ZFYVE16: variants seen among roughly 807,000 people sequenced by gnomAD.
ZFYVE16 encodes zinc finger FYVE-type containing 16, also known as zinc finger FYVE domain-containing protein 16.
In ZFYVE16, 89 loss-of-function variants were observed where a neutral mutation model predicts 138.1. That is an observed-to-expected ratio of 0.64 (90% CI 0.54 to 0.77). ZFYVE16 has a LOEUF of 0.77. Ranked by LOEUF, ZFYVE16 falls within the 30% of genes least tolerant of loss-of-function variation. ZFYVE16 has a pLI of 0.00. For missense variants in ZFYVE16, 1,793 were observed against 1,786.7 expected (o/e 1.00, Z -0.06); for synonymous variants, 596 against 618.3 (o/e 0.96, Z 0.53).
At chr5:80,470,542 C>T (rs1201091817) in intron 15 of ZFYVE16, among the ~76,000 whole-genome samples, 2 of 152,000 alleles carry the variant, frequency 1.3e-5, no homozygotes, top group African/African-American at 2.4e-5. Context: ...GACAGGATCT[C>T]GCTCTGTTGC....
chr5:80,476,309 TACC>T (rs143875109), intron 18 of ZFYVE16, among the ~76,000 whole-genome samples: 7 of 152,248 alleles, frequency 4.6e-5, no homozygotes, highest in South Asian at 2.1e-4. Context: ...TGAAAAATAA[TACC>T]ACATTATTAT....
In ZFYVE16 at chr5:80,445,359, A is replaced by G. The variant is rs750838525; in HGVS notation, c.2678A>G (p.Lys893Arg). ...ACAACAAAATTATCATCTGGAAGTA[A>G]AAGATGTTCTGAAGACTTTAGTCCT... ...ADTTKLSSGS[K>R]RCSEDFSPLS... The change falls in exon 7 of 19, where the codon AAA becomes AGA. Residue 893 changes from lysine to arginine, a missense_variant. Physicochemically the swap from Lys to Arg is conservative, Grantham distance 26 (BLOSUM62 2). This residue lies in a region of ZFYVE16 where 1,295 missense variants were observed against 1,204.3 expected (regional missense o/e 1.08). Transcript: ENST00000505560. The G allele has an allele frequency of 6.2e-6, 10 of 1,614,002 alleles. No homozygotes were observed. The highest frequency in any genetic ancestry group is 8.5e-6 in the Non-Finnish European group (10 of 1,179,950).
Position 80,480,215 on chromosome 5 carries a change from T to A in ZFYVE16, c.*2838T>A, listed in dbSNP as rs1243869704. On this transcript the variant is annotated 3_prime_UTR_variant, in exon 19 of 19. Coordinates refer to ENST00000505560, the MANE Select transcript of ZFYVE16 (RefSeq NM_001284236.3). ...TTTCTTTGTTTAAGGAAATAAGGTG[T>A]GTGAATGTACTTGCAGGAAATGGGA... Among the ~76,000 whole-genome samples, 1 of 152,094 alleles carries A rather than the reference T, an allele frequency of 6.6e-6. No homozygotes were observed. The highest frequency in any genetic ancestry group is 1.5e-5 in the Non-Finnish European group (1 of 68,000).
intron 12 of ZFYVE16, 67 bp from the exon 13 acceptor site, chr5:80,456,391 AAAG>A (rs148404774): frequency 1.1e-5 from 13 of 1,207,856 alleles, no homozygotes; most frequent in Admixed American, 6.7e-5. Context: ...AGGATTTCTT[AAAG>A]AAGGATTTAA....
rs1404585546 is a variant in ZFYVE16 at position 80,482,606 on chromosome 5, A to G, written c.*5229A>G. Reference sequence around the variant, plus strand: ...TGGCACAGCAAATCCCAAAAAGGAAAACCACACCCAGGCACGTCATAATCA... The same window carrying G: ...TGGCACAGCAAATCCCAAAAAGGAAGACCACACCCAGGCACGTCATAATCA... On this transcript the variant is annotated 3_prime_UTR_variant, in exon 19 of 19. Coordinates refer to ENST00000505560, the MANE Select transcript of ZFYVE16 (RefSeq NM_001284236.3). The G allele has an allele frequency of 6.6e-6, 1 of 152,222 alleles. No individual in the cohort carries two copies. Among genetic ancestry groups the G allele is most frequent in the Non-Finnish European group, 1.5e-5 (1 of 68,034 alleles). The allele number at this position is 152,222 out of a possible 1,614,324, so 9.4% of individuals were successfully genotyped here.
chr5:80,409,461 A>G (rs1038708020), intron 1 of ZFYVE16, among the ~76,000 whole-genome samples: 10 of 152,218 alleles, frequency 6.6e-5, no homozygotes, highest in African/African-American at 2.4e-4. Context: ...TATATTTACC[A>G]TTTTGGAAAT....
At chr5:80,444,223 C>T (rs1039144048) in intron 6 of ZFYVE16, among the ~76,000 whole-genome samples, 1 of 152,050 alleles carries the variant, frequency 6.6e-6, no homozygotes, top group Non-Finnish European at 1.5e-5. Flanking sequence ...TAAGGAGACT[C>T]AGCATTATAT....
intron 11 of ZFYVE16, 150 bp from the exon 12 acceptor site, chr5:80,455,542 A>C (rs1395784232): frequency 2.8e-5 from 19 of 687,982 alleles, no homozygotes; most frequent in Non-Finnish European, 3.8e-5. Context: ...TCAAAAACAA[A>C]AAAAAAATTA....
rs1755157055 is a variant in ZFYVE16, at chr5:80,479,120, T to C, written c.*1743T>C. The C allele has an allele frequency of 6.6e-6, 1 of 152,086 alleles. No homozygotes were observed. Among genetic ancestry groups the C allele is most frequent in the African/African-American group, 2.4e-5 (1 of 41,416 alleles). The allele number at this position is 152,086 out of a possible 1,614,324, so 9.4% of individuals were successfully genotyped here. A position where few individuals can be genotyped will look rare whatever the true frequency, so the allele number is the denominator to read the frequency against. On this transcript the variant is annotated 3_prime_UTR_variant, in exon 19 of 19. Transcript: ENST00000505560. Reference sequence around the variant, plus strand: ...AAAAATTGGAATTATGTGCCTGAAGTTTGGAGGCACATTTTGAAGTATTCT... The same window carrying C: ...AAAAATTGGAATTATGTGCCTGAAGCTTGGAGGCACATTTTGAAGTATTCT...
chr5:80,440,053 T>C (rs1255648963), intron 5 of ZFYVE16, 21 bp downstream of exon 5: 2 of 1,571,392 alleles, frequency 1.3e-6, no homozygotes, highest in Admixed American at 1.9e-5. Flanking sequence ...ACTTGATATA[T>C]TTTCTTCCAG....
At chr5:80,439,040 C>A in intron 4 of ZFYVE16, 33 bp downstream of exon 4, 1 of 1,560,996 alleles carries the variant, frequency 6.4e-7, no homozygotes, top group Non-Finnish European at 8.7e-7. Context: ...GTCTTTTGTT[C>A]TTTTGAGACA....
intron 5 of ZFYVE16, among the ~76,000 whole-genome samples, chr5:80,442,250 C>G (rs1750792615): frequency 1.3e-5 from 2 of 152,012 alleles, no homozygotes; most frequent in Admixed American, 1.3e-4. Context: ...ACCACAGGCA[C>G]ACACTACCAC....
intron 5 of ZFYVE16, chr5:80,440,301 C>T (rs925073115): frequency 8.3e-6 from 9 of 1,082,806 alleles, no homozygotes; most frequent in Non-Finnish European, 9.0e-6. Flanking sequence ...TGCTGCATTT[C>T]ATCTGCCTAT....
chr5:80,438,139 C>G lies in ZFYVE16; in HGVS notation c.1454C>G (p.Ser485Cys). Reference protein sequence around the residue: ...STVVESQEGLSGTHVPESSDC... With the variant: ...STVVESQEGLCGTHVPESSDC... Reference sequence around the variant, plus strand: ...GTTGTAGAATCTCAAGAGGGGCTTTCTGGCACTCATGTCCCAGAGTCTTCT... The same window carrying G: ...GTTGTAGAATCTCAAGAGGGGCTTTGTGGCACTCATGTCCCAGAGTCTTCT... The change falls in exon 4 of 19, where the codon TCT (serine) becomes TGT (cysteine). Residue 485 changes from serine to cysteine, a missense_variant. Around this residue, in one of 2 missense-constraint regions of ZFYVE16, gnomAD observed 1,295 missense variants for 1,204.3 expected, o/e 1.08. Coordinates refer to ENST00000505560, the MANE Select transcript of ZFYVE16 (RefSeq NM_001284236.3). The G allele has an allele frequency of 1.2e-6, 2 of 1,613,984 alleles. No individual in the cohort carries two copies. The highest frequency in any genetic ancestry group is 1.7e-6 in the Non-Finnish European group (2 of 1,179,964).
Position 80,474,831 on chromosome 5 carries a change from G to A in ZFYVE16, c.4461+1G>A, listed in dbSNP as rs759157407. On this transcript the variant is annotated splice_donor_variant, in intron 18 of 18. Coordinates refer to ENST00000505560, the MANE Select transcript of ZFYVE16 (RefSeq NM_001284236.3). LOFTEE classifies it high-confidence loss of function. Reference sequence around the variant, plus strand: ...CAGAGTTTCCATTGACACTGATATGGTGAGGCATGTTTTTGTGATGTATTT... The same window carrying A: ...CAGAGTTTCCATTGACACTGATATGATGAGGCATGTTTTTGTGATGTATTT... The A allele has an allele frequency of 1.9e-6, 3 of 1,598,000 alleles. No homozygotes were observed. In the South Asian group the frequency reaches 3.4e-5, roughly 18 times the overall value.
rs552860769 is a variant in ZFYVE16 at position 80,452,177 on chromosome 5, G to T, written c.3607+468G>T. 307 of 155,080 alleles carry T rather than the reference G, an allele frequency of 2.0e-3. 1 individual carries two copies. The highest frequency in any genetic ancestry group is 3.3e-3 in the Non-Finnish European group (233 of 70,228). The allele number at this position is 155,080 out of a possible 1,614,324, so 9.6% of individuals were successfully genotyped here. On this transcript the variant is annotated intron_variant, in intron 11 of 18. Coordinates refer to ENST00000505560, the MANE Select transcript of ZFYVE16 (RefSeq NM_001284236.3). Reference sequence around the variant, plus strand: ...AGACCGGGCATGGTGGCTCACGCCTGTACTCCCAGCACTTTGGGAGGCCAA... The same window carrying T: ...AGACCGGGCATGGTGGCTCACGCCTTTACTCCCAGCACTTTGGGAGGCCAA...
chr5:80,466,972 C>T (rs1444686477), intron 15 of ZFYVE16, among the ~76,000 whole-genome samples: 1 of 152,156 alleles, frequency 6.6e-6, no homozygotes, highest in African/African-American at 2.4e-5. Flanking sequence ...GGCTTATAGC[C>T]AGTGGTGGGG....
Position 80,438,463 on chromosome 5 carries a change from A to G in ZFYVE16, c.1778A>G (p.Asn593Ser). 1 of 1,613,800 alleles carries G rather than the reference A, an allele frequency of 6.2e-7. No individual in the cohort carries two copies. Among genetic ancestry groups the G allele is most frequent in the Non-Finnish European group, 8.5e-7 (1 of 1,179,852 alleles). Residue 593 changes from asparagine (N) to serine (S), a missense_variant, in exon 4 of 19, where the codon AAT (asparagine) becomes AGT (serine). Coordinates refer to ENST00000505560, the MANE Select transcript of ZFYVE16 (RefSeq NM_001284236.3). ...GCTATTGGGGAAAGTCATGGTATTAATATAATTTGTGAAATAGTTGATAAA... is the reference window on the plus strand; with the variant it reads ...GCTATTGGGGAAAGTCATGGTATTAGTATAATTTGTGAAATAGTTGATAAA... ...AGAIGESHGI[N>S]IICEIVDKQN...
rs368831136 is a variant in ZFYVE16, at chr5:80,470,391, G to A, written c.4025-2370G>A. Among the ~76,000 whole-genome samples the A allele has an allele frequency of 1.3e-4, 20 of 151,984 alleles. 1 individual carries two copies. Among genetic ancestry groups the A allele is most frequent in the African/African-American group, 3.9e-4 (16 of 41,458 alleles). On this transcript the variant is annotated intron_variant, in intron 15 of 18. Transcript: ENST00000505560. ...GCTGGGATTACAGGCATGAGCCACC[G>A]CACCCAGACTCTTTGAATATATTTA... is the stretch of plus-strand genomic sequence containing the variant.
Sources: gnomAD v4.1 joint callset for allele counts (sites outside exome capture counted in the v4.1 genomes callset) on GRCh38, gnomAD v4.1.1 for gene constraint, gnomAD v4.1.1 regional missense constraint, MANE v1.5 for transcripts, NCBI Gene and HGNC (gene_info 2026-07-23, HGNC 2026-07-21) for gene names.